Variants in CYB5R4 observed in about 807,000 individuals in gnomAD.
CYB5R4 encodes the protein cytochrome b5 reductase 4, also known as N-terminal cytochrome b5 and cytochrome b5 oxidoreductase domain-containing protein.
CYB5R4 carries 55 observed loss-of-function variants against 70.2 expected under a neutral mutation model. That is an observed-to-expected ratio of 0.78 (90% confidence interval 0.63 to 0.98). The LOEUF (loss-of-function observed/expected upper bound fraction) is 0.98, where lower values mean the gene tolerates loss of function less well. CYB5R4 is among the 50% of genes least tolerant of loss of function. CYB5R4 has a pLI of 0.00. For missense variants in CYB5R4, 562 were observed against 612.6 expected, an observed-to-expected ratio of 0.92 and a Z score of 0.87; for synonymous variants, 197 against 199.5, an observed-to-expected ratio of 0.99 and a Z score of 0.11.
intron 15 of CYB5R4, among the ~76,000 whole-genome samples, chr6:83,957,742 T>C (rs1425303224): frequency 6.6e-6 from 1 of 151,828 alleles, no homozygotes; most frequent in Non-Finnish European, 1.5e-5. Flanking sequence ...TGCTCAGGAG[T>C]ATTTATTAAT....
rs61763819 is a variant in CYB5R4, at chr6:83,917,555, G to A, written c.446-450G>A. ...GCTCAGTTACAAAAAGGACCAAGCT[G>A]ATGAATTCAGTAGCATGGATAAAAT... is the stretch of plus-strand genomic sequence containing the variant. On this transcript the variant is annotated intron_variant, in intron 5 of 15. Coordinates refer to ENST00000369681, the MANE Select transcript of CYB5R4 (RefSeq NM_016230.4). Among the ~76,000 whole-genome samples the A allele has an allele frequency of 4.2e-3, 638 of 152,226 alleles. 6 individuals are homozygous for A. Among genetic ancestry groups the A allele is most frequent in the African/African-American group, 0.015 (609 of 41,546 alleles).
intron 10 of CYB5R4, among the ~76,000 whole-genome samples, chr6:83,925,215 A>T (rs2099467092): frequency 6.6e-6 from 1 of 152,136 alleles, no homozygotes; most frequent in South Asian, 2.1e-4. Context: ...ACATGGCTGG[A>T]GAAGGAGGAG....
intron 5 of CYB5R4, among the ~76,000 whole-genome samples, 156 bp from the exon 6 acceptor site, chr6:83,917,849 C>T (rs984280964): frequency 3.9e-5 from 6 of 152,054 alleles, no homozygotes; most frequent in Admixed American, 3.3e-4. Context: ...TTTATCACGG[C>T]CTTTTGGCTA....
At chr6:83,872,538 GATGC>G (rs1562826886) in intron 2 of CYB5R4, among the ~76,000 whole-genome samples, 1 of 152,174 alleles carries the variant, frequency 6.6e-6, no homozygotes, top group Non-Finnish European at 1.5e-5. Context: ...GGTGAGGATT[GATGC>G]AGGGGCTCAG....
At chr6:83,897,055 C>T (rs1468781768) in intron 3 of CYB5R4, among the ~76,000 whole-genome samples, 1 of 146,634 alleles carries the variant, frequency 6.8e-6, no homozygotes, top group Non-Finnish European at 1.5e-5. Context: ...TGCTATCCCT[C>T]CCCCGTCCCC....
intron 2 of CYB5R4, among the ~76,000 whole-genome samples, chr6:83,883,524 A>G (rs1394603373): frequency 2.0e-5 from 3 of 152,190 alleles, no homozygotes; most frequent in Non-Finnish European, 4.4e-5. Context: ...GAAAAGTAAC[A>G]CCATCAACCC....
rs149632510 is a variant in CYB5R4, at chr6:83,884,527, T to C, written c.230-8995T>C. Among the ~76,000 whole-genome samples, 618 of 152,204 alleles carry C rather than the reference T, an allele frequency of 4.1e-3. 3 individuals are homozygous for C. Among genetic ancestry groups the C allele is most frequent in the African/African-American group, 0.014 (567 of 41,550 alleles). ...AGATTCAAAAGGCATGAAGCTAACA[T>C]TGATGGAATTGAGGGGTAGAATTAA... is the stretch of plus-strand genomic sequence containing the variant. On this transcript the variant is annotated intron_variant, in intron 2 of 15. Coordinates refer to ENST00000369681, the MANE Select transcript of CYB5R4 (RefSeq NM_016230.4).
chr6:83,952,239 T>C (rs978447877), intron 14 of CYB5R4, among the ~76,000 whole-genome samples: 1 of 152,178 alleles, frequency 6.6e-6, no homozygotes, highest in African/African-American at 2.4e-5. Context: ...TAAAGATTTG[T>C]GTGCTCACTC....
chr6:83,941,267 A>AT, intron 14 of CYB5R4, among the ~76,000 whole-genome samples: 1 of 152,204 alleles, frequency 6.6e-6, no homozygotes, highest in Non-Finnish European at 1.5e-5. Flanking sequence ...GTAAACTAAA[A>AT]TAAGAAGATA....
chr6:83,915,270 C>T (rs997019007), intron 5 of CYB5R4, among the ~76,000 whole-genome samples: 5 of 152,152 alleles, frequency 3.3e-5, no homozygotes, highest in African/African-American at 1.2e-4. Context: ...CATTTAGAAA[C>T]ATTTTTTTCT....
chr6:83,957,658 C>T (rs1011662582), intron 15 of CYB5R4, among the ~76,000 whole-genome samples: 3 of 150,450 alleles, frequency 2.0e-5, no homozygotes, highest in Admixed American at 1.3e-4. Flanking sequence ...TGACCAGAAC[C>T]TATATGGCTT....
chr6:83,903,258 T>G (rs1446318792), intron 3 of CYB5R4, among the ~76,000 whole-genome samples: 1 of 152,140 alleles, frequency 6.6e-6, no homozygotes. Flanking sequence ...AAATACTTTT[T>G]TGTGTGACTG....
intron 5 of CYB5R4, 64 bp from the exon 6 acceptor site, chr6:83,917,941 A>T: frequency 8.0e-7 from 1 of 1,250,956 alleles, no homozygotes; most frequent in Non-Finnish European, 1.2e-6. Flanking sequence ...CTAAGAAGTT[A>T]ACTTAAAAGA....
At chr6:83,947,381 C>G (rs1435792974) in intron 14 of CYB5R4, among the ~76,000 whole-genome samples, 1 of 152,146 alleles carries the variant, frequency 6.6e-6, no homozygotes, top group Non-Finnish European at 1.5e-5. Context: ...TGGACCCTTC[C>G]TTACACCTTA....
intron 14 of CYB5R4, among the ~76,000 whole-genome samples, chr6:83,950,166 T>C (rs2099471291): frequency 6.6e-6 from 1 of 152,162 alleles, no homozygotes; most frequent in Non-Finnish European, 1.5e-5. Flanking sequence ...CTGATTTTCA[T>C]GTCATTAAGT....
intron 14 of CYB5R4, 56 bp downstream of exon 14, chr6:83,940,657 A>G: frequency 1.3e-6 from 2 of 1,531,598 alleles, no homozygotes; most frequent in South Asian, 1.2e-5. Context: ...TAGTAAGTCT[A>G]TGCCTTATCT....
At chr6:83,883,774 A>G (rs888650563) in intron 2 of CYB5R4, among the ~76,000 whole-genome samples, 2 of 152,084 alleles carry the variant, frequency 1.3e-5, no homozygotes, top group African/African-American at 4.8e-5. Context: ...AAAAATACAT[A>G]TAAAAAATAC....
intron 10 of CYB5R4, among the ~76,000 whole-genome samples, chr6:83,933,334 A>T (rs1463633484): frequency 6.6e-6 from 1 of 152,226 alleles, no homozygotes; most frequent in Non-Finnish European, 1.5e-5. Flanking sequence ...GATAGGTGGA[A>T]AATTGAGTGA....
At chr6:83,945,453 C>T (rs983831046) in intron 14 of CYB5R4, among the ~76,000 whole-genome samples, 5 of 152,120 alleles carry the variant, frequency 3.3e-5, no homozygotes, top group African/African-American at 2.4e-5. Flanking sequence ...TCACAAAATG[C>T]CTACAGGAGA....
Sources: allele counts gnomAD v4.1 joint callset (sites outside exome capture counted in the v4.1 genomes callset), GRCh38; gene constraint gnomAD v4.1.1; transcripts MANE v1.5; gene names NCBI Gene and HGNC (gene_info 2026-07-23, HGNC 2026-07-21).